Variants in SNX14 observed in about 807,000 individuals in gnomAD.
SNX14 encodes sorting nexin 14.
In SNX14, 93 loss-of-function variants were observed where a neutral mutation model predicts 133.8. That is an observed-to-expected ratio of 0.70 (90% CI 0.59 to 0.83). SNX14 has a LOEUF of 0.83. SNX14 is among the 40% of genes least tolerant of loss of function. The pLI is 0.00. For synonymous variants in SNX14, 368 were observed against 365.6 expected, an observed-to-expected ratio of 1.01 and a Z score of -0.07; for missense variants, 945 against 1,094.9, an observed-to-expected ratio of 0.86 and a Z score of 1.93.
chr6:85,575,906 G>A (rs561150875), intron 1 of SNX14, among the ~76,000 whole-genome samples: 5 of 152,316 alleles, frequency 3.3e-5, no homozygotes, highest in Non-Finnish European at 7.4e-5. Flanking sequence ...CATGTTATCG[G>A]ATGAGAAGAA....
At chr6:85,509,608 C>T (rs1762122055) in intron 26 of SNX14, among the ~76,000 whole-genome samples, 1 of 152,132 alleles carries the variant, frequency 6.6e-6, no homozygotes, top group African/African-American at 2.4e-5. Flanking sequence ...TGTCTTGTCT[C>T]CCCGACTATC....
intron 14 of SNX14, 151 bp downstream of exon 14, chr6:85,543,031 G>C: frequency 1.4e-6 from 1 of 717,444 alleles, no homozygotes; most frequent in Non-Finnish European, 2.0e-6. Context: ...GCCTTCCAAA[G>C]TGCTGGGATT....
At chr6:85,526,982 T>C (rs886870376) in intron 20 of SNX14, among the ~76,000 whole-genome samples, 2 of 152,082 alleles carry the variant, frequency 1.3e-5, no homozygotes, top group Non-Finnish European at 1.5e-5. Context: ...GGCTGGAGAA[T>C]CGGTTGAACT....
intron 23 of SNX14, among the ~76,000 whole-genome samples, chr6:85,515,063 G>A (rs982253204): frequency 7.2e-5 from 11 of 152,020 alleles, no homozygotes; most frequent in Non-Finnish European, 1.5e-4. Context: ...TCGCAAGTTT[G>A]AAATCGGCTT....
At chr6:85,582,482 G>T (rs765375728) in intron 1 of SNX14, among the ~76,000 whole-genome samples, 58 of 151,368 alleles carry the variant, frequency 3.8e-4, no homozygotes, top group Non-Finnish European at 7.1e-4. Context: ...AAAAGCAATG[G>T]ATCCAGGAGC....
At chr6:85,574,664 A>G (rs1227858815) in intron 1 of SNX14, among the ~76,000 whole-genome samples, 1 of 152,182 alleles carries the variant, frequency 6.6e-6, no homozygotes, top group Non-Finnish European at 1.5e-5. Context: ...ATACCTTCTG[A>G]TGATATTGTA....
intron 20 of SNX14, among the ~76,000 whole-genome samples, chr6:85,526,847 T>C (rs1443350381): frequency 6.6e-6 from 1 of 152,154 alleles, no homozygotes; most frequent in Non-Finnish European, 1.5e-5. Flanking sequence ...ATACAGTGGA[T>C]CACCTGAGGT....
At chr6:85,519,310 T>G (rs559649207) in intron 21 of SNX14, among the ~76,000 whole-genome samples, 3 of 152,226 alleles carry the variant, frequency 2.0e-5, no homozygotes, top group Non-Finnish European at 4.4e-5. Flanking sequence ...TTTAGTTCCA[T>G]ATACATTACT....
At chr6:85,528,073 G>T (rs1369914483) in intron 20 of SNX14, among the ~76,000 whole-genome samples, 189 bp downstream of exon 20, 1 of 151,884 alleles carries the variant, frequency 6.6e-6, no homozygotes, top group Non-Finnish European at 1.5e-5. Context: ...CATTCAATTT[G>T]GAGGGAGGGT....
intron 12 of SNX14, among the ~76,000 whole-genome samples, chr6:85,545,728 G>T (rs1286452886): frequency 6.6e-6 from 1 of 152,172 alleles, no homozygotes; most frequent in Non-Finnish European, 1.5e-5. Context: ...CTGTCACCCA[G>T]GCTGGAGTGC....
chr6:85,524,311 A>G (rs939591246), intron 21 of SNX14, among the ~76,000 whole-genome samples: 1 of 152,250 alleles, frequency 6.6e-6, no homozygotes, highest in Non-Finnish European at 1.5e-5. Context: ...GAAAACACCT[A>G]TATTTATGTG....
At chr6:85,588,303 G>A in intron 1 of SNX14, among the ~76,000 whole-genome samples, 1 of 151,810 alleles carries the variant, frequency 6.6e-6, no homozygotes, top group African/African-American at 2.4e-5. Flanking sequence ...GCCAGGCTCG[G>A]TGGCTCACGC....
intron 21 of SNX14, among the ~76,000 whole-genome samples, chr6:85,519,361 G>C (rs1271757604): frequency 2.6e-5 from 4 of 152,150 alleles, no homozygotes; most frequent in African/African-American, 9.7e-5. Flanking sequence ...GGCTAGTCAG[G>C]GTGGCTCCAC....
In SNX14 at chr6:85,505,658, T is replaced by C; in HGVS notation, c.*309A>G. ...CTAGGCATAATTATTTTCAAAGCTA[T>C]ACAATACGAAGTTTATCAGTCTTAT... On this transcript the variant is annotated 3_prime_UTR_variant, in exon 29 of 29. Transcript: ENST00000314673. The C allele has an allele frequency of 3.3e-6, 1 of 304,402 alleles. No homozygotes were observed. Among genetic ancestry groups the C allele is most frequent in the Non-Finnish European group, 6.0e-6 (1 of 166,300 alleles). 18.9% of individuals were successfully genotyped at this position (304,402 alleles called of 1,614,324 possible).
chr6:85,593,633 G>A lies in SNX14; in HGVS notation c.86C>T (p.Pro29Leu), dbSNP rs1021686562. Reference protein sequence around the residue: ...DVGREICRQYPLFCFLLLCLS... With the variant: ...DVGREICRQYLLFCFLLLCLS... ...ACAGAGCAGCAGGAAGCAGAACAGC[G>A]GGTACTGGCGGCAGATCTCGCGTCC... The change falls in exon 1 of 29, where the codon CCG becomes CTG. Residue 29 changes from proline (P) to leucine (L), a missense_variant. By Grantham distance (98) the Pro-to-Leu change is moderately conservative. This residue lies in a region of SNX14 where 514 missense variants were observed against 538.8 expected (regional missense o/e 0.95). Coordinates refer to ENST00000314673, the MANE Select transcript of SNX14 (RefSeq NM_153816.6). 3.7e-6 allele frequency: 6 copies of A among 1,612,670 alleles called. No individual in the cohort carries two copies. The Admixed American group carries it at 5.0e-5, about 13-fold the overall frequency.
chr6:85,535,348 T>C (rs1424046464), intron 17 of SNX14, among the ~76,000 whole-genome samples: 1 of 151,204 alleles, frequency 6.6e-6, no homozygotes, highest in African/African-American at 2.4e-5. Context: ...GGTGCAGTGG[T>C]TCACGCCTGT....
intron 17 of SNX14, among the ~76,000 whole-genome samples, chr6:85,534,831 G>GTTTTT (rs371318721): frequency 7.1e-6 from 1 of 141,022 alleles, no homozygotes; most frequent in African/African-American, 2.6e-5. Flanking sequence ...AAAAGGGAAA[G>GTTTTT]TTTTTTTTTT....
Position 85,558,042 on chromosome 6 carries a change from T to C in SNX14, c.568A>G (p.Ile190Val). 3 of 1,567,212 alleles carry C rather than the reference T, an allele frequency of 1.9e-6. No homozygotes were observed. The highest frequency in any genetic ancestry group is 2.6e-6 in the Non-Finnish European group (3 of 1,143,580). Residue 190 changes from isoleucine to valine, a missense_variant, in exon 7 of 29, where the codon ATA becomes GTA. Ile to Val is a conservative substitution (Grantham distance 29). This residue lies in a region of SNX14 where 514 missense variants were observed against 538.8 expected (regional missense o/e 0.95). Transcript: ENST00000314673. ...RIHKVDIPSIITKKLLKAAMK... is the reference protein window; with the variant it reads ...RIHKVDIPSIVTKKLLKAAMK... The stretch of plus-strand genomic sequence containing the variant: ...GCTGCTTTTAATAGTTTCTTGGTTA[T>C]AATAGATGGAATATCCACCTAGAAA...
Position 85,574,131 on chromosome 6 carries a change from AGAG to A in SNX14, c.261+124_261+126del, listed in dbSNP as rs1369470841. 2,722 of 698,508 alleles carry A rather than the reference AGAG, an allele frequency of 3.9e-3. 55 individuals are homozygous for A. The African/African-American group carries it at 0.048, about 12-fold the overall frequency. 43.3% of individuals were successfully genotyped at this position (698,508 alleles called of 1,614,324 possible). A position where few individuals can be genotyped will look rare whatever the true frequency, so the allele number is the denominator to read the frequency against. ...TACCTAAAAAAAACAAAAAAAAAAAAGAGAAGAAATTGAAAGAAAACAAATTTT... is the reference window on the plus strand; with the variant it reads ...TACCTAAAAAAAACAAAAAAAAAAAAAAGAAATTGAAAGAAAACAAATTTT... On this transcript the variant is annotated intron_variant, in intron 2 of 28. Coordinates refer to ENST00000314673, the MANE Select transcript of SNX14 (RefSeq NM_153816.6).
Sources: gnomAD v4.1 joint callset for allele counts (sites outside exome capture counted in the v4.1 genomes callset) on GRCh38, gnomAD v4.1.1 for gene constraint, gnomAD v4.1.1 regional missense constraint, MANE v1.5 for transcripts, NCBI Gene and HGNC (gene_info 2026-07-23, HGNC 2026-07-21) for gene names.